UBAP1: variants seen among roughly 807,000 people sequenced by gnomAD.
UBAP1 encodes ubiquitin associated protein 1, also known as ubiquitin-associated protein 1.
Under a neutral mutation model 39.0 loss-of-function variants are expected in UBAP1, and 5 were observed. The observed-to-expected ratio is 0.13, with a 90% CI of 0.07 to 0.27. The LOEUF (loss-of-function observed/expected upper bound fraction) is 0.27. Ranked by LOEUF, UBAP1 falls within the 10% of genes least tolerant of loss-of-function variation. UBAP1 has a pLI of 1.00. For missense variants in UBAP1, 490 were observed against 608.1 expected, an observed-to-expected ratio of 0.81 and a Z score of 2.04; for synonymous variants, 211 against 225.1, an observed-to-expected ratio of 0.94 and a Z score of 0.56.
intron 1 of UBAP1, among the ~76,000 whole-genome samples, chr9:34,210,210 C>T (rs533271451): frequency 2.0e-5 from 3 of 152,126 alleles, no homozygotes; most frequent in African/African-American, 7.2e-5. Context: ...CATTTTCAGC[C>T]AAGTACGCCG....
intron 2 of UBAP1, among the ~76,000 whole-genome samples, chr9:34,226,113 G>A (rs962215780): frequency 2.2e-5 from 2 of 89,294 alleles, no homozygotes; most frequent in African/African-American, 6.5e-5. Flanking sequence ...TATTGTGTGT[G>A]TGTGTGTGTG....
intron 2 of UBAP1, among the ~76,000 whole-genome samples, chr9:34,230,450 G>A (rs562527547): frequency 3.9e-5 from 6 of 152,272 alleles, no homozygotes; most frequent in African/African-American, 1.4e-4. Context: ...ACTTAATTGT[G>A]TGCTTGTTAA....
intron 1 of UBAP1, among the ~76,000 whole-genome samples, chr9:34,215,826 T>C (rs1350863428): frequency 6.6e-6 from 1 of 152,068 alleles, no homozygotes; most frequent in Non-Finnish European, 1.5e-5. Flanking sequence ...TGACCCTAAA[T>C]AGGTATTAAA....
chr9:34,213,640 T>A (rs1189884428), intron 1 of UBAP1, among the ~76,000 whole-genome samples: 1 of 152,078 alleles, frequency 6.6e-6, no homozygotes, highest in African/African-American at 2.4e-5. Flanking sequence ...TCACCACTCC[T>A]CTTCAACATA....
At chr9:34,183,471 G>T (rs532567666) in intron 1 of UBAP1, among the ~76,000 whole-genome samples, 1 of 150,142 alleles carries the variant, frequency 6.7e-6, no homozygotes, top group Admixed American at 6.7e-5. Flanking sequence ...CGTGAACCCG[G>T]CCACTCCAGA....
At chr9:34,231,845 A>G (rs1304693145) in intron 2 of UBAP1, among the ~76,000 whole-genome samples, 1 of 149,898 alleles carries the variant, frequency 6.7e-6, no homozygotes, top group East Asian at 2.0e-4. Flanking sequence ...GGGTTTCACC[A>G]TGGTCTTGAT....
intron 1 of UBAP1, among the ~76,000 whole-genome samples, chr9:34,208,109 G>A (rs1193160933): frequency 6.6e-6 from 1 of 152,134 alleles, no homozygotes; most frequent in African/African-American, 2.4e-5. Flanking sequence ...GAGCATTAAT[G>A]CTGAATTATA....
chr9:34,244,095 G>T (rs894450580), intron 4 of UBAP1, among the ~76,000 whole-genome samples: 2 of 152,052 alleles, frequency 1.3e-5, no homozygotes, highest in African/African-American at 4.8e-5. Flanking sequence ...TGATCCGCCC[G>T]CCTCGGCCTC....
chr9:34,196,503 GATGGGGTTT>G (rs1308884054), intron 1 of UBAP1, among the ~76,000 whole-genome samples: 3 of 151,966 alleles, frequency 2.0e-5, no homozygotes, highest in African/African-American at 7.3e-5. Flanking sequence ...TTTTAGTAGA[GATGGGGTTT>G]CGCTGTGTTG....
Position 34,213,282 on chromosome 9 carries a change from A to G in UBAP1, c.-7-7626A>G, listed in dbSNP as rs565034242. 3.9e-5 allele frequency among the ~76,000 whole-genome samples: 6 copies of G among 152,220 alleles called. No homozygotes were observed. The South Asian group carries it at 1.2e-3, about 32-fold the overall frequency. ...TCCCAGCACTTTGGGAGGCCGAGGCAGGTGGATTACCTGAGGTCAGGAGTT... is the reference window on the plus strand; with the variant it reads ...TCCCAGCACTTTGGGAGGCCGAGGCGGGTGGATTACCTGAGGTCAGGAGTT... On this transcript the variant is annotated intron_variant, in intron 1 of 6. Coordinates refer to ENST00000297661, the MANE Select transcript of UBAP1 (RefSeq NM_016525.5).
chr9:34,242,056 C>CT lies in UBAP1; in HGVS notation c.1032dup (p.Val345CysfsTer22). 1 of 1,613,714 alleles carries CT rather than the reference C, an allele frequency of 6.2e-7. No individual in the cohort carries two copies. The highest frequency in any genetic ancestry group is 8.5e-7 in the Non-Finnish European group (1 of 1,179,610). On this transcript the variant is annotated frameshift_variant, in exon 4 of 7. Transcript: ENST00000297661. LOFTEE classifies it high-confidence loss of function. Reference sequence around the variant, plus strand: ...ACATCCTCCCAGATGCCTTCCCTCTCTGTTTTGTCTGTGTGCACAGAGGAA... The same window carrying CT: ...ACATCCTCCCAGATGCCTTCCCTCTCTTGTTTTGTCTGTGTGCACAGAGGAA...
chr9:34,235,930 A>G (rs764098469), intron 3 of UBAP1, among the ~76,000 whole-genome samples: 2 of 149,702 alleles, frequency 1.3e-5, no homozygotes, highest in Non-Finnish European at 3.0e-5. Context: ...TTCTGTCTCT[A>G]TGTAACCTCC....
In UBAP1 at chr9:34,250,739, C is replaced by T. The variant is rs747511224; in HGVS notation, c.1348C>T (p.His450Tyr). 7 of 1,613,368 alleles carry T rather than the reference C, an allele frequency of 4.3e-6. No individual in the cohort carries two copies. Among genetic ancestry groups the T allele is most frequent in the Admixed American group, 1.7e-5 (1 of 60,012 alleles). Residue 450 changes from histidine (H) to tyrosine (Y), a missense_variant, in exon 6 of 7, where the codon CAC (histidine) becomes TAC (tyrosine). Coordinates refer to ENST00000297661, the MANE Select transcript of UBAP1 (RefSeq NM_016525.5). ...PLLVEEALEM[H>Y]QCSEEKMMEF... ...TTTAGTGGAAGAGGCTCTGGAAATG[C>T]ACCAGTGTTCAGAAGAAAAGGTGGG...
intron 1 of UBAP1, among the ~76,000 whole-genome samples, chr9:34,194,609 T>C (rs1830918597): frequency 6.6e-6 from 1 of 152,180 alleles, no homozygotes; most frequent in Admixed American, 6.6e-5. Flanking sequence ...CCACCGCACC[T>C]GACCAATAAA....
Position 34,249,809 on chromosome 9 carries a change from G to A in UBAP1, c.1114G>A (p.Val372Met), listed in dbSNP as rs955341922. 6.2e-7 allele frequency: 1 copy of A among 1,614,142 alleles called. No individual in the cohort carries two copies. The change falls in exon 5 of 7, where the codon GTG becomes ATG. Residue 372 changes from valine (V) to methionine (M), a missense_variant. By Grantham distance (21) the Val-to-Met change is conservative. Coordinates refer to ENST00000297661, the MANE Select transcript of UBAP1 (RefSeq NM_016525.5). ...CCCTCCTAATTTCTCAGTGTCACAA[G>A]TGCCCAACATGCCCAGCTGTCCCCA... ...VTPPNFSVSQ[V>M]PNMPSCPQAY...
At position 34,180,082 on chromosome 9, in the gene UBAP1, G is replaced by T. The variant is rs189340567; in HGVS notation, c.-8+842G>T. Among the ~76,000 whole-genome samples the T allele has an allele frequency of 2.0e-5, 3 of 152,266 alleles. No homozygotes were observed. The East Asian group carries it at 5.8e-4, about 29-fold the overall frequency. ...TACTCGTTAGTGCTTTGTCTCTTCA[G>T]TTATTAGCATTTGAGAATTTGAATA... is the stretch of plus-strand genomic sequence containing the variant. On this transcript the variant is annotated intron_variant, in intron 1 of 6. Coordinates refer to ENST00000297661, the MANE Select transcript of UBAP1 (RefSeq NM_016525.5).
At chr9:34,190,524 A>G (rs1289079049) in intron 1 of UBAP1, among the ~76,000 whole-genome samples, 2 of 151,858 alleles carry the variant, frequency 1.3e-5, no homozygotes, top group African/African-American at 2.4e-5. Context: ...TCCTGATCTC[A>G]GGGGATCCAC....
chr9:34,182,138 A>G (rs557035379), intron 1 of UBAP1, among the ~76,000 whole-genome samples: 28 of 148,804 alleles, frequency 1.9e-4, no homozygotes, highest in African/African-American at 6.0e-4. Context: ...TCTTTTAACT[A>G]TGGTATTTAA....
At chr9:34,203,646 CTG>C (rs759271301) in intron 1 of UBAP1, among the ~76,000 whole-genome samples, 1 of 152,174 alleles carries the variant, frequency 6.6e-6, no homozygotes, top group East Asian at 1.9e-4. Flanking sequence ...TAGGAATAAT[CTG>C]TTTCTTAAAT....
Sources: allele counts gnomAD v4.1 joint callset (sites outside exome capture counted in the v4.1 genomes callset), GRCh38; gene constraint gnomAD v4.1.1; transcripts MANE v1.5; gene names NCBI Gene and HGNC (gene_info 2026-07-23, HGNC 2026-07-21).